Variants in COL28A1 observed in about 807,000 individuals in gnomAD.
COL28A1 encodes the protein collagen type XXVIII alpha 1 chain.
A neutral mutation model predicts 150.2 loss-of-function variants in COL28A1; 161 were observed. The observed-to-expected ratio is 1.07, with a 90% CI of 0.94 to 1.22. The LOEUF is 1.22. COL28A1 is among the 50% of genes most tolerant of loss of function. The pLI is 0.00. For synonymous variants in COL28A1, 552 were observed against 469.7 expected (o/e 1.18, Z -2.26); for missense variants, 1,617 against 1,388.3 (o/e 1.16, Z -2.62).
At chr7:7,507,689 G>A (rs1239644809) in intron 9 of COL28A1, among the ~76,000 whole-genome samples, 1 of 151,110 alleles carries the variant, frequency 6.6e-6, no homozygotes, top group Admixed American at 6.6e-5. Flanking sequence ...ACATAGTCTA[G>A]TTTTTATTTC....
chr7:7,374,036 A>ATAT (rs1281053510), intron 31 of COL28A1, among the ~76,000 whole-genome samples: 5,066 of 77,196 alleles, frequency 0.066, 136 homozygotes, highest in Middle Eastern at 0.084. Flanking sequence ...AAAAAAAAAA[A>ATAT]AAATATATAT....
chr7:7,379,680 G>C (rs1781759643), intron 30 of COL28A1, among the ~76,000 whole-genome samples: 1 of 152,176 alleles, frequency 6.6e-6, no homozygotes, highest in Non-Finnish European at 1.5e-5. Context: ...TAAATGAATG[G>C]AGAAAGGAAA....
chr7:7,402,452 A>G (rs1783259544), intron 27 of COL28A1, among the ~76,000 whole-genome samples: 1 of 152,210 alleles, frequency 6.6e-6, no homozygotes, highest in African/African-American at 2.4e-5. Context: ...AATACAATTC[A>G]TTGTTCAATT....
chr7:7,509,917 C>A (rs1160870916), intron 9 of COL28A1, among the ~76,000 whole-genome samples: 2 of 152,168 alleles, frequency 1.3e-5, no homozygotes, highest in South Asian at 4.1e-4. Context: ...ACCAAGCCTA[C>A]CTTTTGCAGA....
intron 10 of COL28A1, 78 bp downstream of exon 10, chr7:7,507,039 G>A (rs927824447): frequency 6.5e-6 from 5 of 767,514 alleles, no homozygotes; most frequent in Non-Finnish European, 1.1e-5. Flanking sequence ...GGCAGAGGGT[G>A]CAAGTGGGCA....
chr7:7,452,177 T>C (rs2128329760), intron 18 of COL28A1, 142 bp downstream of exon 18: 2 of 1,226,932 alleles, frequency 1.6e-6, no homozygotes, highest in African/African-American at 1.6e-5. Context: ...GCAGTAGTAG[T>C]AGCCGCACTT....
chr7:7,485,033 C>A (rs56913410), intron 13 of COL28A1, among the ~76,000 whole-genome samples: 44,252 of 151,908 alleles, frequency 0.29, 7,678 homozygotes, highest in African/African-American at 0.49. Context: ...TACTATGCTT[C>A]TTATTTGGAT....
rs904253318 is a variant in COL28A1, at chr7:7,452,521, C to A, written c.1441-134G>T. The A allele has an allele frequency of 6.1e-6, 8 of 1,304,198 alleles. No individual in the cohort carries two copies. In the South Asian group the frequency reaches 1.3e-4, roughly 21 times the overall value. The allele number at this position is 1,304,198 out of a possible 1,614,324, so 80.8% of individuals were successfully genotyped here. ...CAATTCATATATATTGCCTGAAATC[C>A]CTTCGGGGGATGGATTTGCACCAGA... On this transcript the variant is annotated intron_variant, in intron 17 of 34. Coordinates refer to ENST00000399429, the MANE Select transcript of COL28A1 (RefSeq NM_001037763.3).
chr7:7,384,553 G>A (rs1782072737), intron 27 of COL28A1, among the ~76,000 whole-genome samples: 1 of 152,116 alleles, frequency 6.6e-6, no homozygotes, highest in Admixed American at 6.5e-5. Context: ...TTTATTATGT[G>A]TTTGTTAATC....
At chr7:7,440,903 T>A in intron 20 of COL28A1, 42 bp from the exon 21 acceptor site, 2 of 946,702 alleles carry the variant, frequency 2.1e-6, no homozygotes, top group Non-Finnish European at 3.5e-6. Context: ...CGTATGGTAT[T>A]AGCAACCTCC....
chr7:7,493,949 C>T (rs899723179), intron 11 of COL28A1, among the ~76,000 whole-genome samples: 13 of 152,082 alleles, frequency 8.5e-5, no homozygotes, highest in African/African-American at 3.1e-4. Flanking sequence ...GCCATCAGAG[C>T]CATTTACCAA....
chr7:7,444,948 A>G (rs1033268554), intron 18 of COL28A1, among the ~76,000 whole-genome samples: 4 of 152,070 alleles, frequency 2.6e-5, no homozygotes, highest in Admixed American at 2.6e-4. Context: ...CTGTTCTTAT[A>G]ATAGAGTTCT....
At chr7:7,411,672 C>T (rs1250857004) in intron 27 of COL28A1, among the ~76,000 whole-genome samples, 1 of 152,148 alleles carries the variant, frequency 6.6e-6, no homozygotes, top group African/African-American at 2.4e-5. Flanking sequence ...TTTCCTGGTC[C>T]TACCAAAAAC....
chr7:7,522,806 C>CCAAAAAA (rs1460030225), intron 4 of COL28A1, among the ~76,000 whole-genome samples: 2 of 93,158 alleles, frequency 2.1e-5, no homozygotes, highest in African/African-American at 1.0e-4. Context: ...AGCTGAAGAG[C>CCAAAAAA]AAAAAAAAAA....
intron 14 of COL28A1, among the ~76,000 whole-genome samples, chr7:7,476,242 A>G (rs555912403): frequency 1.3e-5 from 2 of 152,300 alleles, no homozygotes; most frequent in Admixed American, 6.5e-5. Context: ...ATAAAGGAAG[A>G]AGGACTCCAA....
intron 27 of COL28A1, among the ~76,000 whole-genome samples, chr7:7,406,483 TTTTAC>T (rs1291119823): frequency 6.6e-6 from 1 of 152,170 alleles, no homozygotes; most frequent in Non-Finnish European, 1.5e-5. Context: ...CAGAATTTCT[TTTTAC>T]TTTGAGAAGG....
chr7:7,350,656 T>A, the COL28A1 span, among the ~76,000 whole-genome samples: 1 of 60,522 alleles, frequency 1.7e-5, no homozygotes, highest in Admixed American at 1.9e-4. Context: ...TTTTCTTTCC[T>A]TTTTTTTTTT....
chr7:7,416,098 C>T lies in COL28A1; in HGVS notation c.2136+1761G>A, dbSNP rs569597921. Among the ~76,000 whole-genome samples the T allele has an allele frequency of 5.9e-5, 9 of 152,290 alleles. No homozygotes were observed. In the East Asian group the frequency reaches 7.7e-4, roughly 13 times the overall value. ...GATTACAGGCATGAGCCACTGCACC[C>T]GGCCTAGAGAAGTTTTATGAGTGAG... On this transcript the variant is annotated intron_variant, in intron 27 of 34. Transcript: ENST00000399429.
chr7:7,404,381 C>A (rs943872483), intron 27 of COL28A1, among the ~76,000 whole-genome samples: 1 of 151,964 alleles, frequency 6.6e-6, no homozygotes, highest in Non-Finnish European at 1.5e-5. Context: ...GCAAATGGCT[C>A]CCCATTTCAC....
Sources: allele counts gnomAD v4.1 joint callset (sites outside exome capture counted in the v4.1 genomes callset), GRCh38; gene constraint gnomAD v4.1.1; transcripts MANE v1.5; gene names NCBI Gene and HGNC (gene_info 2026-07-23, HGNC 2026-07-21).